Variants in CACNA2D3 observed in about 807,000 individuals in gnomAD.
CACNA2D3 encodes the protein voltage-dependent calcium channel subunit alpha-2/delta-3.
In CACNA2D3, 60 loss-of-function variants were observed where a neutral mutation model predicts 160.6. The ratio of observed to expected loss-of-function variants is 0.37; its 90% CI spans 0.30 to 0.46. The LOEUF (loss-of-function observed/expected upper bound fraction) is 0.46. CACNA2D3 is among the 20% of genes least tolerant of loss of function. The pLI is 1.00. For missense variants in CACNA2D3, 1,205 were observed against 1,365.0 expected (o/e 0.88, Z 1.85); for synonymous variants, 558 against 492.9 (o/e 1.13, Z -1.75).
rs61601184 is a variant in CACNA2D3, at chr3:54,920,879, G to C, written c.2449+21011G>C. ...GTGTTTCTCCAGTTCCAGACTTTCTGTTGTTCGGTATTAAGGTGGGAGCCA... is the reference window on the plus strand; with the variant it reads ...GTGTTTCTCCAGTTCCAGACTTTCTCTTGTTCGGTATTAAGGTGGGAGCCA... On this transcript the variant is annotated intron_variant, in intron 27 of 37. Transcript: ENST00000474759. Among the ~76,000 whole-genome samples the C allele has an allele frequency of 2.0e-5, 3 of 152,250 alleles. No individual in the cohort carries two copies. In the East Asian group the frequency reaches 5.8e-4, roughly 29 times the overall value.
At chr3:54,667,422 A>T (rs1248965864) in intron 11 of CACNA2D3, among the ~76,000 whole-genome samples, 1 of 152,200 alleles carries the variant, frequency 6.6e-6, no homozygotes, top group Middle Eastern at 3.2e-3. Context: ...AGAAGGTCAG[A>T]TGCCATTTGT....
intron 35 of CACNA2D3, among the ~76,000 whole-genome samples, chr3:55,025,429 C>T (rs1190178576): frequency 1.5e-4 from 23 of 151,746 alleles, no homozygotes; most frequent in South Asian, 6.3e-4. Context: ...GTCAGGAGTT[C>T]GAGCCCAGCC....
rs1703958608 is a variant in CACNA2D3, at chr3:54,320,294, AAC to A, written c.205-144_205-143del. On this transcript the variant is annotated intron_variant, in intron 2 of 37. Coordinates refer to ENST00000474759, the MANE Select transcript of CACNA2D3 (RefSeq NM_018398.3). ...TCCCTAGTTGGCTTAATAATTTTGA[AAC>A]ACAGTTTAATATCCACAAATTCACC... The A allele has an allele frequency of 2.4e-5, 12 of 499,426 alleles. No individual in the cohort carries two copies. The East Asian group carries it at 4.1e-4, about 17-fold the overall frequency. The allele number at this position is 499,426 out of a possible 1,614,324, so 30.9% of individuals were successfully genotyped here. A position where few individuals can be genotyped will look rare whatever the true frequency, so the allele number is the denominator to read the frequency against.
intron 12 of CACNA2D3, among the ~76,000 whole-genome samples, chr3:54,753,072 G>C (rs1701897239): frequency 6.6e-6 from 1 of 152,072 alleles, no homozygotes; most frequent in East Asian, 1.9e-4. Flanking sequence ...TGTTGGCCAG[G>C]CTGGTCTAGA....
intron 4 of CACNA2D3, among the ~76,000 whole-genome samples, chr3:54,404,818 A>G (rs1328913786): frequency 2.0e-5 from 3 of 152,112 alleles, no homozygotes; most frequent in Non-Finnish European, 4.4e-5. Context: ...ATTTCTATAT[A>G]CAAATAACAA....
intron 30 of CACNA2D3, among the ~76,000 whole-genome samples, chr3:54,986,679 A>G (rs1376414523): frequency 8.5e-5 from 13 of 152,190 alleles, no homozygotes; most frequent in South Asian, 8.3e-4. Flanking sequence ...TTTAGTTAAT[A>G]CAAAGCCTAC....
chr3:54,822,787 TTTCCTTTCTTTC>T (rs1280603462), intron 14 of CACNA2D3, among the ~76,000 whole-genome samples: 157 of 70,666 alleles, frequency 2.2e-3, no homozygotes, highest in Non-Finnish European at 3.2e-3. Context: ...TCTTTCTTTC[TTTCCTTTCTTTC>T]TTTCTTTCTT....
At chr3:54,655,678 C>T (rs1009610137) in intron 11 of CACNA2D3, among the ~76,000 whole-genome samples, 1 of 152,032 alleles carries the variant, frequency 6.6e-6, no homozygotes, top group Non-Finnish European at 1.5e-5. Context: ...TGGTATCTAT[C>T]AAAATATACT....
At chr3:54,524,911 A>G (rs2107000290) in intron 5 of CACNA2D3, among the ~76,000 whole-genome samples, 1 of 152,218 alleles carries the variant, frequency 6.6e-6, no homozygotes, top group South Asian at 2.1e-4. Flanking sequence ...TCTCTTATAG[A>G]TAACATGTAC....
At chr3:54,140,134 T>C (rs1699895979) in intron 2 of CACNA2D3, among the ~76,000 whole-genome samples, 1 of 152,230 alleles carries the variant, frequency 6.6e-6, no homozygotes, top group African/African-American at 2.4e-5. Flanking sequence ...AGGAATTCAG[T>C]GAATGGGCAG....
At chr3:54,345,534 T>TA (rs1698440216) in intron 3 of CACNA2D3, among the ~76,000 whole-genome samples, 1 of 152,184 alleles carries the variant, frequency 6.6e-6, no homozygotes, top group South Asian at 2.1e-4. Context: ...CTGCAAGGCT[T>TA]TCATCAGAGA....
At chr3:54,591,121 GACTT>G (rs1345822247) in intron 9 of CACNA2D3, among the ~76,000 whole-genome samples, 1 of 152,092 alleles carries the variant, frequency 6.6e-6, no homozygotes, top group Admixed American at 6.5e-5. Flanking sequence ...GTTCATTTAG[GACTT>G]ACTTAATGGC....
At chr3:54,764,196 G>A (rs1276517675) in intron 12 of CACNA2D3, 22 bp from the exon 13 acceptor site, 1 of 1,612,744 alleles carries the variant, frequency 6.2e-7, no homozygotes, top group Admixed American at 1.7e-5. Flanking sequence ...ACTAAACTTG[G>A]CCCTCCCTTG....
In CACNA2D3 at chr3:54,838,725, A is replaced by G. The variant is rs550912466; in HGVS notation, c.1551+77A>G. 1.7e-5 allele frequency: 19 copies of G among 1,106,366 alleles called. No homozygotes were observed. In the South Asian group the frequency reaches 1.9e-4, roughly 11 times the overall value. 68.5% of individuals were successfully genotyped at this position (1,106,366 alleles called of 1,614,324 possible). On this transcript the variant is annotated intron_variant, in intron 16 of 37. Coordinates refer to ENST00000474759, the MANE Select transcript of CACNA2D3 (RefSeq NM_018398.3). ...TTGTTTTCACAAAGTTCAGGCTTCAAACTCTACTTTGGAGCGATGTTTTTG... is the reference window on the plus strand; with the variant it reads ...TTGTTTTCACAAAGTTCAGGCTTCAGACTCTACTTTGGAGCGATGTTTTTG...
At chr3:54,824,518 AGG>A (rs1379786596) in intron 14 of CACNA2D3, among the ~76,000 whole-genome samples, 1 of 152,218 alleles carries the variant, frequency 6.6e-6, no homozygotes, top group Admixed American at 6.5e-5. Flanking sequence ...TCATTGCAGA[AGG>A]GACGCATTCC....
At chr3:54,126,648 A>G (rs1410156576) in intron 2 of CACNA2D3, among the ~76,000 whole-genome samples, 3 of 152,298 alleles carry the variant, frequency 2.0e-5, no homozygotes, top group East Asian at 3.9e-4. Context: ...GTCTGTTTTC[A>G]GTACAGAATG....
chr3:54,286,572 C>G (rs7634714), intron 2 of CACNA2D3, among the ~76,000 whole-genome samples: 31,074 of 152,066 alleles, frequency 0.2, 3,350 homozygotes, highest in South Asian at 0.25. Flanking sequence ...TCAGGAAATA[C>G]AGAGAACGCC....
chr3:54,526,154 A>G (rs1300331698), intron 5 of CACNA2D3, among the ~76,000 whole-genome samples: 1 of 152,000 alleles, frequency 6.6e-6, no homozygotes, highest in Non-Finnish European at 1.5e-5. Context: ...TAAGCCCAGA[A>G]TTTCCATTTG....
chr3:54,920,897 G>C (rs1700828270), intron 27 of CACNA2D3, among the ~76,000 whole-genome samples: 3 of 152,140 alleles, frequency 2.0e-5, no homozygotes, highest in Admixed American at 2.0e-4. Flanking sequence ...GTATTAAGGT[G>C]GGAGCCACAG....
Sources: gnomAD v4.1 joint callset for allele counts (sites outside exome capture counted in the v4.1 genomes callset) on GRCh38, gnomAD v4.1.1 for gene constraint, MANE v1.5 for transcripts, NCBI Gene and HGNC (gene_info 2026-07-23, HGNC 2026-07-21) for gene names.